The following BBS9 variants were observed in gnomAD, a reference collection of about 807,000 sequenced individuals.
BBS9 encodes the protein Bardet-Biedl syndrome 9, also known as protein PTHB1.
BBS9 carries 89 observed loss-of-function variants against 117.7 expected under a neutral mutation model. The ratio of observed to expected loss-of-function variants is 0.76; its 90% CI spans 0.64 to 0.90. BBS9 has a LOEUF of 0.90. BBS9 is among the 40% of genes least tolerant of loss of function. BBS9 has a pLI of 0.00. For missense variants in BBS9, 982 were observed against 1,042.2 expected, an observed-to-expected ratio of 0.94 and a Z score of 0.80; for synonymous variants, 379 against 370.9, an observed-to-expected ratio of 1.02 and a Z score of -0.25.
chr7:33,614,026 A>G (rs1865012098), intron 21 of BBS9, among the ~76,000 whole-genome samples: 1 of 152,058 alleles, frequency 6.6e-6, no homozygotes, highest in Non-Finnish European at 1.5e-5. Context: ...TACAATAAAT[A>G]TGCCTTTTTA....
intron 19 of BBS9, among the ~76,000 whole-genome samples, chr7:33,405,109 T>G (rs905420013): frequency 5.9e-5 from 9 of 152,248 alleles, no homozygotes; most frequent in South Asian, 4.1e-4. Context: ...TAATCATGTG[T>G]TTTTTGTCTT....
chr7:33,611,846 TATA>T (rs899120286), intron 21 of BBS9, among the ~76,000 whole-genome samples: 26 of 141,644 alleles, frequency 1.8e-4, no homozygotes, highest in African/African-American at 6.8e-4. Context: ...AATATTATTA[TATA>T]ATAATATATA....
At chr7:33,387,529 CA>C (rs1395365366) in intron 18 of BBS9, among the ~76,000 whole-genome samples, 1 of 151,798 alleles carries the variant, frequency 6.6e-6, no homozygotes, top group Admixed American at 6.6e-5. Flanking sequence ...AGTAATTTAT[CA>C]GGGGTGTGTT....
intron 19 of BBS9, among the ~76,000 whole-genome samples, chr7:33,485,946 G>A (rs1034696092): frequency 5.9e-5 from 9 of 152,180 alleles, no homozygotes; most frequent in African/African-American, 1.9e-4. Flanking sequence ...TGACTCATGA[G>A]TAGTTAGGTG....
intron 5 of BBS9, among the ~76,000 whole-genome samples, chr7:33,183,915 C>G (rs1798433621): frequency 2.6e-5 from 4 of 152,074 alleles, no homozygotes; most frequent in Admixed American, 2.6e-4. Flanking sequence ...GCCCATGTGT[C>G]CTAAGCCCAT....
intron 7 of BBS9, among the ~76,000 whole-genome samples, chr7:33,266,979 G>A (rs77470473): frequency 1.3e-5 from 2 of 152,066 alleles, no homozygotes; most frequent in East Asian, 1.9e-4. Context: ...TCTTGACCTC[G>A]TGATCCGCCT....
chr7:33,599,507 T>C (rs997604591), intron 21 of BBS9, among the ~76,000 whole-genome samples: 1 of 152,166 alleles, frequency 6.6e-6, no homozygotes, highest in African/African-American at 2.4e-5. Flanking sequence ...TGTGGAAAAG[T>C]CAAATTTTTA....
Position 33,234,210 on chromosome 7 carries a change from A to T in BBS9, c.443-23026A>T, listed in dbSNP as rs74330441. ...TTATAAATTAATCTTTATCATATGTATGTATGTATAGGAAAAAACAGTGTG... is the reference window on the plus strand; with the variant it reads ...TTATAAATTAATCTTTATCATATGTTTGTATGTATAGGAAAAAACAGTGTG... On this transcript the variant is annotated intron_variant, in intron 5 of 22. Coordinates refer to ENST00000242067, the MANE Select transcript of BBS9 (RefSeq NM_198428.3). 2.4e-4 allele frequency among the ~76,000 whole-genome samples: 37 copies of T among 152,178 alleles called. 1 individual carries two copies. Among genetic ancestry groups the T allele is most frequent in the African/African-American group, 8.2e-4 (34 of 41,540 alleles).
At chr7:33,223,178 G>T (rs1790587349) in intron 5 of BBS9, among the ~76,000 whole-genome samples, 1 of 151,244 alleles carries the variant, frequency 6.6e-6, no homozygotes, top group Non-Finnish European at 1.5e-5. Flanking sequence ...TTTTTTAATT[G>T]ACAAATAAAA....
chr7:33,265,847 T>TA (rs1449998132), intron 7 of BBS9, among the ~76,000 whole-genome samples: 1 of 151,650 alleles, frequency 6.6e-6, no homozygotes, highest in Non-Finnish European at 1.5e-5. Flanking sequence ...CGTCTCAAAA[T>TA]AAAAAAAGTT....
At chr7:33,489,591 G>C (rs932406030) in intron 19 of BBS9, among the ~76,000 whole-genome samples, 6 of 151,872 alleles carry the variant, frequency 4.0e-5, no homozygotes. Context: ...GAAGTTTTAT[G>C]GTGGCCAGTT....
chr7:33,560,697 T>C (rs1027761732), intron 21 of BBS9, among the ~76,000 whole-genome samples: 1 of 152,160 alleles, frequency 6.6e-6, no homozygotes, highest in Non-Finnish European at 1.5e-5. Flanking sequence ...ATTCAAATAC[T>C]CCAGGCCCTT....
At chr7:33,454,593 G>A (rs1838360965) in intron 19 of BBS9, among the ~76,000 whole-genome samples, 1 of 152,252 alleles carries the variant, frequency 6.6e-6, no homozygotes, top group Non-Finnish European at 1.5e-5. Context: ...CTGCCAAGAG[G>A]ATGGGATTAT....
At chr7:33,343,129 T>C (rs1816864858) in intron 11 of BBS9, among the ~76,000 whole-genome samples, 1 of 152,290 alleles carries the variant, frequency 6.6e-6, no homozygotes, top group African/African-American at 2.4e-5. Context: ...GAATCCCCAT[T>C]GCTTAGAAGT....
At chr7:33,209,682 T>C (rs1420346127) in intron 5 of BBS9, among the ~76,000 whole-genome samples, 1 of 152,212 alleles carries the variant, frequency 6.6e-6, no homozygotes, top group Non-Finnish European at 1.5e-5. Context: ...TATTGGCATA[T>C]AGTTGCTCAT....
At chr7:33,285,807 A>G (rs1262584735) in intron 9 of BBS9, among the ~76,000 whole-genome samples, 1 of 152,092 alleles carries the variant, frequency 6.6e-6, no homozygotes, top group Non-Finnish European at 1.5e-5. Context: ...TTAAAAAGCC[A>G]TATCTTTATT....
At chr7:33,308,119 C>G (rs1808425171) in intron 9 of BBS9, among the ~76,000 whole-genome samples, 1 of 152,102 alleles carries the variant, frequency 6.6e-6, no homozygotes, top group South Asian at 2.1e-4. Context: ...GGCAGGTAAG[C>G]AGCATGTTGT....
At chr7:33,196,292 C>G (rs991929561) in intron 5 of BBS9, among the ~76,000 whole-genome samples, 17 of 152,030 alleles carry the variant, frequency 1.1e-4, no homozygotes, top group African/African-American at 4.1e-4. Flanking sequence ...CAAATAACTT[C>G]TAATTGTCTG....
intron 5 of BBS9, among the ~76,000 whole-genome samples, chr7:33,222,382 T>C (rs999076416): frequency 6.6e-6 from 1 of 152,202 alleles, no homozygotes; most frequent in African/African-American, 2.4e-5. Context: ...GTAAGGATCG[T>C]TGGCCCTGAT....
Sources: allele counts gnomAD v4.1 joint callset (sites outside exome capture counted in the v4.1 genomes callset), GRCh38; gene constraint gnomAD v4.1.1; transcripts MANE v1.5; gene names NCBI Gene and HGNC (gene_info 2026-07-23, HGNC 2026-07-21).